ALDH4A1: variants seen among roughly 807,000 people sequenced by gnomAD.
The protein encoded by ALDH4A1 is delta-1-pyrroline-5-carboxylate dehydrogenase, mitochondrial.
In ALDH4A1, 46 loss-of-function variants were observed where a neutral mutation model predicts 70.5. The ratio of observed to expected loss-of-function variants is 0.65; its 90% CI spans 0.51 to 0.83. ALDH4A1 has a LOEUF of 0.83. Ranked by LOEUF, ALDH4A1 falls within the 40% of genes least tolerant of loss-of-function variation. ALDH4A1 has a pLI of 0.00. For missense variants in ALDH4A1, 749 were observed against 766.5 expected (o/e 0.98, Z 0.27); for synonymous variants, 323 against 324.3 (o/e 1.00, Z 0.04).
Position 18,890,003 on chromosome 1 carries a change from T to G in ALDH4A1, c.156+9A>C. ...TGCACCTCTCGGGTGCCTCCCACCC[T>G]CCCATTACCTTTTGCAGGGCATCTC... On this transcript the variant is annotated intron_variant, in intron 2 of 14. Coordinates refer to ENST00000375341, the MANE Select transcript of ALDH4A1 (RefSeq NM_003748.4). The G allele has an allele frequency of 6.3e-7, 1 of 1,599,404 alleles. No homozygotes were observed. The highest frequency in any genetic ancestry group is 8.5e-7 in the Non-Finnish European group (1 of 1,172,294).
Position 18,889,473 on chromosome 1 carries a change from G to A in ALDH4A1, c.157-19C>T. On this transcript the variant is annotated intron_variant, in intron 2 of 14. Transcript: ENST00000375341. ...TCAAGGCCTGGGGAGAGGGACAAGAGTGGGTATGGTCACCGCCTTCCTCGC... is the reference window on the plus strand; with the variant it reads ...TCAAGGCCTGGGGAGAGGGACAAGAATGGGTATGGTCACCGCCTTCCTCGC... 1.3e-6 allele frequency: 2 copies of A among 1,547,382 alleles called. No individual in the cohort carries two copies. Among genetic ancestry groups the A allele is most frequent in the Non-Finnish European group, 1.7e-6 (2 of 1,143,364 alleles).
chr1:18,901,807 T>C (rs781131374), intron 1 of ALDH4A1, among the ~76,000 whole-genome samples: 9 of 152,110 alleles, frequency 5.9e-5, no homozygotes, highest in Non-Finnish European at 1.3e-4. Context: ...TTAACTCATT[T>C]AATCCTCATA....
chr1:18,874,100 A>G (rs1440956666), intron 14 of ALDH4A1, among the ~76,000 whole-genome samples: 5 of 152,332 alleles, frequency 3.3e-5, no homozygotes, highest in South Asian at 2.1e-4. Flanking sequence ...TCTGCCACTC[A>G]GGAGCAGTCA....
At chr1:18,882,519 C>T (rs1935022172) in intron 7 of ALDH4A1, 2 of 521,148 alleles carry the variant, frequency 3.8e-6, no homozygotes, top group Non-Finnish European at 8.0e-6. Flanking sequence ...AGAGGAGTGA[C>T]TTGAATACCA....
At chr1:18,887,600 G>GA (rs56794059) in intron 3 of ALDH4A1, among the ~76,000 whole-genome samples, 51 of 146,458 alleles carry the variant, frequency 3.5e-4, no homozygotes, top group East Asian at 4.0e-4. Flanking sequence ...CTCCGTCTCA[G>GA]AAAAAAAAAA....
intron 7 of ALDH4A1, chr1:18,882,747 C>T: frequency 1.7e-6 from 1 of 575,324 alleles, no homozygotes; most frequent in Non-Finnish European, 3.4e-6. Flanking sequence ...CACTGAAGGT[C>T]AGCGGTAATG....
rs971554588 is a variant in ALDH4A1, at chr1:18,902,159, G to A, written c.62+303C>T. On this transcript the variant is annotated intron_variant, in intron 1 of 14. Coordinates refer to ENST00000375341, the MANE Select transcript of ALDH4A1 (RefSeq NM_003748.4). ...ATTAGGAGTGAGGTGAGTGACTACA[G>A]AGGCTACTTTCCGAGCGTGGGAACC... Among the ~76,000 whole-genome samples the A allele has an allele frequency of 5.9e-5, 9 of 152,194 alleles. 1 individual carries two copies. The highest frequency in any genetic ancestry group is 2.2e-4 in the African/African-American group (9 of 41,450).
At chr1:18,874,336 T>C (rs1446588791) in intron 14 of ALDH4A1, 127 bp downstream of exon 14, 9 of 877,072 alleles carry the variant, frequency 1.0e-5, no homozygotes, top group African/African-American at 6.6e-5. Flanking sequence ...GCTAGTGCAC[T>C]TGCTTGGCCC....
chr1:18,888,104 A>C (rs1935290937), intron 3 of ALDH4A1, among the ~76,000 whole-genome samples: 1 of 152,254 alleles, frequency 6.6e-6, no homozygotes, highest in Admixed American at 6.5e-5. Flanking sequence ...CACATGCTCA[A>C]CAACCACACG....
At chr1:18,889,791 A>G (rs1206367599) in intron 2 of ALDH4A1, among the ~76,000 whole-genome samples, 1 of 152,218 alleles carries the variant, frequency 6.6e-6, no homozygotes. Context: ...ATGACATCTG[A>G]CCTGGCCTGA....
intron 1 of ALDH4A1, among the ~76,000 whole-genome samples, chr1:18,901,424 A>G (rs1935794347): frequency 6.6e-6 from 1 of 152,138 alleles, no homozygotes; most frequent in Non-Finnish European, 1.5e-5. Flanking sequence ...GGGTCAAGCA[A>G]ACAAACCTCA....
At chr1:18,874,094 C>A (rs1238429667) in intron 14 of ALDH4A1, among the ~76,000 whole-genome samples, 3 of 152,230 alleles carry the variant, frequency 2.0e-5, no homozygotes, top group Middle Eastern at 3.2e-3. Flanking sequence ...CCTGGCTCTG[C>A]CACTCAGGAG....
At chr1:18,889,510 T>A in intron 2 of ALDH4A1, 56 bp from the exon 3 acceptor site, 1 of 1,464,802 alleles carries the variant, frequency 6.8e-7, no homozygotes, top group Non-Finnish European at 9.4e-7. Context: ...TCCTCCCATC[T>A]AAAACCCTAA....
At chr1:18,877,326 C>G in intron 10 of ALDH4A1, 71 bp from the exon 11 acceptor site, 9 of 1,558,026 alleles carry the variant, frequency 5.8e-6, no homozygotes, top group Non-Finnish European at 7.8e-6. Flanking sequence ...CCTCCCCGCA[C>G]ACCCCAGCCC....
chr1:18,896,095 G>A (rs552068202), intron 1 of ALDH4A1, among the ~76,000 whole-genome samples: 5 of 152,180 alleles, frequency 3.3e-5, no homozygotes, highest in African/African-American at 1.2e-4. Flanking sequence ...TCACATAGCC[G>A]GAATGGGGCT....
Position 18,885,592 on chromosome 1 carries a change from C to A in ALDH4A1, c.334G>T (p.Ala112Ser), listed in dbSNP as rs771288789. 7 of 1,613,976 alleles carry A rather than the reference C, an allele frequency of 4.3e-6. No individual in the cohort carries two copies. The South Asian group carries it at 5.5e-5, about 13-fold the overall frequency. The change falls in exon 5 of 15, where the codon GCC (alanine) becomes TCC (serine). Residue 112 changes from alanine (A) to serine (S), a missense_variant. Coordinates refer to ENST00000375341, the MANE Select transcript of ALDH4A1 (RefSeq NM_003748.4). ...LNKAIEAALAARKEWDLKPIA... is the reference protein window; with the variant it reads ...LNKAIEAALASRKEWDLKPIA... ...GGCTTCAGGTCCCACTCTTTCCGGG[C>A]AGCCAGGGCAGCCTCAATGGCTTTG...
rs1935691561 is a variant in ALDH4A1, at chr1:18,898,339, C to T, written c.62+4123G>A. Among the ~76,000 whole-genome samples, 1 of 152,026 alleles carries T rather than the reference C, an allele frequency of 6.6e-6. No individual in the cohort carries two copies. The highest frequency in any genetic ancestry group is 6.6e-5 in the Admixed American group (1 of 15,256). On this transcript the variant is annotated intron_variant, in intron 1 of 14. Coordinates refer to ENST00000375341, the MANE Select transcript of ALDH4A1 (RefSeq NM_003748.4). The surrounding 1 kb of genome is among the most constrained non-coding windows in gnomAD (Gnocchi z 4.3). The stretch of plus-strand genomic sequence containing the variant: ...TCTGTCTCCAAAACAAACAAACAAA[C>T]AAACCAACAATAATAACAGAAGAGG...
At chr1:18,885,682 G>A (rs1935173107) in intron 4 of ALDH4A1, 54 bp from the exon 5 acceptor site, 2 of 1,611,232 alleles carry the variant, frequency 1.2e-6, no homozygotes, top group East Asian at 4.5e-5. Context: ...AAAGGCCCTG[G>A]GGAGTGAGCG....
Position 18,886,657 on chromosome 1 carries a change from G to T in ALDH4A1, c.250-146C>A, listed in dbSNP as rs78680172. 3.9e-5 allele frequency: 33 copies of T among 853,128 alleles called. No individual in the cohort carries two copies. The East Asian group carries it at 7.9e-4, about 20-fold the overall frequency. 52.8% of individuals were successfully genotyped at this position (853,128 alleles called of 1,614,324 possible). ...CCCCGCTCCCATGAAACCCTCCCCAGTGCCCGGCCCACAGGTTGCTCCCTG... is the reference window on the plus strand; with the variant it reads ...CCCCGCTCCCATGAAACCCTCCCCATTGCCCGGCCCACAGGTTGCTCCCTG... On this transcript the variant is annotated intron_variant, in intron 3 of 14. Transcript: ENST00000375341.
Sources: gnomAD v4.1 joint callset for allele counts (sites outside exome capture counted in the v4.1 genomes callset) on GRCh38, gnomAD v4.1.1 for gene constraint, Gnocchi (gnomAD v3.1) non-coding constraint, MANE v1.5 for transcripts, NCBI Gene and HGNC (gene_info 2026-07-23, HGNC 2026-07-21) for gene names.